Variants in RICTOR observed in about 807,000 individuals in gnomAD.
RICTOR encodes the protein RPTOR independent companion of MTOR complex 2, also known as rapamycin-insensitive companion of mTOR.
Under a neutral mutation model 214.9 loss-of-function variants are expected in RICTOR, and 49 were observed. The observed-to-expected ratio is 0.23, with a 90% CI of 0.18 to 0.29. RICTOR has a LOEUF of 0.29. Ranked by LOEUF, RICTOR falls within the 10% of genes least tolerant of loss-of-function variation. The probability of loss-of-function intolerance (pLI) is 1.00; values close to 1 mark genes in which losing one functional copy is unlikely to be tolerated. For synonymous variants in RICTOR, 717 were observed against 711.3 expected (o/e 1.01, Z -0.13); for missense variants, 1,625 against 2,047.0 (o/e 0.79, Z 3.98).
At position 39,051,042 on chromosome 5, in the gene RICTOR, TAC is replaced by T. The variant is rs111723153; in HGVS notation, c.97+23067_97+23068del. Among the ~76,000 whole-genome samples the T allele has an allele frequency of 2.8e-3, 413 of 145,688 alleles. 1 individual carries two copies. Among genetic ancestry groups the T allele is most frequent in the Admixed American group, 7.5e-3 (109 of 14,610 alleles). ...CTTTCTCTCTCCCCATACATATATA[TAC>T]ACACACACACACACACACACGCACC... On this transcript the variant is annotated intron_variant, in intron 2 of 37. Coordinates refer to ENST00000357387, the MANE Select transcript of RICTOR (RefSeq NM_152756.5).
At chr5:39,051,042 TACACACACACACAC>T (rs111723153) in intron 2 of RICTOR, among the ~76,000 whole-genome samples, 14,142 of 145,716 alleles carry the variant, frequency 0.097, 782 homozygotes, top group Middle Eastern at 0.16. Context: ...TACATATATA[TACACACACACACAC>T]ACACACACGC....
rs535025657 is a variant in RICTOR at position 39,047,166 on chromosome 5, A to G, written c.98-26030T>C. Reference sequence around the variant, plus strand: ...TCCAAGTAGTCATCAAGTATCACTGAGACACTTTAGAACAGTAGTCCCCAA... The same window carrying G: ...TCCAAGTAGTCATCAAGTATCACTGGGACACTTTAGAACAGTAGTCCCCAA... On this transcript the variant is annotated intron_variant, in intron 2 of 37. Coordinates refer to ENST00000357387, the MANE Select transcript of RICTOR (RefSeq NM_152756.5). Among the ~76,000 whole-genome samples, 6 of 152,354 alleles carry G rather than the reference A, an allele frequency of 3.9e-5. No homozygotes were observed. In the South Asian group the frequency reaches 1.0e-3, roughly 26 times the overall value.
chr5:39,003,359 T>TATCTAAATATG (rs1292874071), intron 4 of RICTOR, among the ~76,000 whole-genome samples, 199 bp downstream of exon 4: 3 of 152,194 alleles, frequency 2.0e-5, no homozygotes, highest in African/African-American at 7.2e-5. Context: ...TGGTTCTTCA[T>TATCTAAATATG]ATTTAGTAAT....
chr5:38,944,050 T>G (rs1188592494), intron 36 of RICTOR, among the ~76,000 whole-genome samples: 2 of 152,158 alleles, frequency 1.3e-5, no homozygotes, highest in Non-Finnish European at 2.9e-5. Flanking sequence ...AACTACTATA[T>G]TAGAAATTAA....
chr5:39,002,721 A>G (rs969715636), intron 4 of RICTOR, 55 bp from the exon 5 acceptor site: 75 of 1,523,560 alleles, frequency 4.9e-5, no homozygotes, highest in Non-Finnish European at 6.0e-5. Context: ...AAATACACAC[A>G]AAATTATATT....
intron 7 of RICTOR, among the ~76,000 whole-genome samples, chr5:38,986,891 GTTCCATCAATACAT>G (rs1166048503): frequency 4.6e-5 from 7 of 152,146 alleles, no homozygotes; most frequent in Non-Finnish European, 1.0e-4. Context: ...TTTGAAATAC[GTTCCATCAATACAT>G]AGTTTACTGA....
chr5:38,951,304 A>G (rs1436713730), intron 30 of RICTOR, among the ~76,000 whole-genome samples: 2 of 152,020 alleles, frequency 1.3e-5, no homozygotes, highest in African/African-American at 4.8e-5. Flanking sequence ...AATGACATCT[A>G]TACGATTTTT....
At chr5:38,943,167 TA>T (rs1554058622) in intron 36 of RICTOR, 196 bp from the exon 37 acceptor site, 1 of 415,234 alleles carries the variant, frequency 2.4e-6, no homozygotes. Flanking sequence ...GGTTTTTTTT[TA>T]AAAAAAATGA....
Position 39,000,265 on chromosome 5 carries a change from T to C in RICTOR, c.392+2270A>G, listed in dbSNP as rs1753513255. Among the ~76,000 whole-genome samples the C allele has an allele frequency of 2.0e-5, 3 of 152,062 alleles. No individual in the cohort carries two copies. The South Asian group carries it at 6.2e-4, about 32-fold the overall frequency. ...AAAAAAAATACATATCTTACATATA[T>C]TTTCCAGGTAATATGAAAACAAGGC... On this transcript the variant is annotated intron_variant, in intron 5 of 37. Coordinates refer to ENST00000357387, the MANE Select transcript of RICTOR (RefSeq NM_152756.5).
chr5:38,958,323 T>A, intron 24 of RICTOR, 120 bp downstream of exon 24: 1 of 662,564 alleles, frequency 1.5e-6, no homozygotes, highest in Non-Finnish European at 2.7e-6. Context: ...AAAGACAATG[T>A]TTCAATATTA....
rs1748976628 is a variant in RICTOR at position 38,953,556 on chromosome 5, G to A, written c.2698-3C>T. ...CGACAGAGTTCTGTAATAATATTCT[G>A]GAGAAAGAAAAAAAAATACCATGAG... is the stretch of plus-strand genomic sequence containing the variant. On this transcript the variant is annotated splice_region_variant and splice_polypyrimidine_tract_variant and intron_variant, in intron 27 of 37. Transcript: ENST00000357387. 2 of 1,083,342 alleles carry A rather than the reference G, an allele frequency of 1.8e-6. No individual in the cohort carries two copies. The highest frequency in any genetic ancestry group is 2.1e-5 in the South Asian group (1 of 46,886). 67.1% of individuals were successfully genotyped at this position (1,083,342 alleles called of 1,614,324 possible). A position where few individuals can be genotyped will look rare whatever the true frequency, so the allele number is the denominator to read the frequency against.
At chr5:39,031,749 G>T (rs886099548) in intron 2 of RICTOR, among the ~76,000 whole-genome samples, 32 of 152,086 alleles carry the variant, frequency 2.1e-4, no homozygotes, top group African/African-American at 7.7e-4. Context: ...ATACATATGC[G>T]ACTTCAACAG....
At chr5:38,995,315 G>A (rs1395676768) in intron 6 of RICTOR, among the ~76,000 whole-genome samples, 1 of 152,140 alleles carries the variant, frequency 6.6e-6, no homozygotes, top group Non-Finnish European at 1.5e-5. Flanking sequence ...ACTCAGAAAT[G>A]GAAAACCAAA....
intron 2 of RICTOR, among the ~76,000 whole-genome samples, chr5:39,068,046 T>C (rs1759025390): frequency 6.6e-6 from 1 of 152,116 alleles, no homozygotes; most frequent in African/African-American, 2.4e-5. Flanking sequence ...CAATGGTAAC[T>C]GCAATTTAGA....
chr5:39,073,781 G>A (rs1307356494), intron 2 of RICTOR, among the ~76,000 whole-genome samples: 2 of 152,148 alleles, frequency 1.3e-5, no homozygotes, highest in Non-Finnish European at 2.9e-5. Flanking sequence ...TTGGGCTGCC[G>A]GACTCCGGGA....
chr5:39,051,016 T>C (rs951014995), intron 2 of RICTOR, among the ~76,000 whole-genome samples: 2 of 149,072 alleles, frequency 1.3e-5, no homozygotes, highest in Non-Finnish European at 3.0e-5. Flanking sequence ...AGATGGATAA[T>C]CTTTCTCTCT....
At chr5:39,051,980 T>C (rs1757892016) in intron 2 of RICTOR, among the ~76,000 whole-genome samples, 1 of 152,238 alleles carries the variant, frequency 6.6e-6, no homozygotes, top group Non-Finnish European at 1.5e-5. Flanking sequence ...CTTTGAATTC[T>C]GAATTTTGAT....
At chr5:39,002,248 C>T (rs149493359) in intron 5 of RICTOR, among the ~76,000 whole-genome samples, 2 of 150,232 alleles carry the variant, frequency 1.3e-5, no homozygotes, top group African/African-American at 4.9e-5. Context: ...TTACTGTATA[C>T]GTCCAACACA....
intron 8 of RICTOR, 151 bp from the exon 9 acceptor site, chr5:38,978,801 T>C (rs760849914): frequency 1.6e-5 from 8 of 496,336 alleles, no homozygotes; most frequent in Non-Finnish European, 2.5e-5. Context: ...AGGGAATATG[T>C]TTGGTGATTT....
Sources: gnomAD v4.1 joint callset for allele counts (sites outside exome capture counted in the v4.1 genomes callset) on GRCh38, gnomAD v4.1.1 for gene constraint, MANE v1.5 for transcripts, NCBI Gene and HGNC (gene_info 2026-07-23, HGNC 2026-07-21) for gene names.